The following WNK1 variants were observed in gnomAD, a reference collection of about 807,000 sequenced individuals.
The protein encoded by WNK1 is WNK lysine deficient protein kinase 1, also known as serine/threonine-protein kinase WNK1.
In WNK1, 38 loss-of-function variants were observed where a neutral mutation model predicts 222.8. The observed-to-expected ratio is 0.17, with a 90% confidence interval of 0.13 to 0.22. The LOEUF is 0.22. Ranked by LOEUF, WNK1 falls within the 10% of genes least tolerant of loss-of-function variation. WNK1 has a pLI of 1.00. For missense variants in WNK1, 2,348 were observed against 2,918.4 expected (o/e 0.80, Z 4.50); for synonymous variants, 1,090 against 1,092.9 (o/e 1.00, Z 0.05).
rs145941616 is a variant in WNK1, at chr12:761,559, C to T, written c.759+7235C>T. Reference sequence around the variant, plus strand: ...ACAATATTATTTTTGTCAGTAGATACGTGGTAGATGGTCTAGTTAACCAAA... The same window carrying T: ...ACAATATTATTTTTGTCAGTAGATATGTGGTAGATGGTCTAGTTAACCAAA... On this transcript the variant is annotated intron_variant, in intron 1 of 27. Coordinates refer to ENST00000315939, the MANE Select transcript of WNK1 (RefSeq NM_018979.4). Among the ~76,000 whole-genome samples, 31 of 147,920 alleles carry T rather than the reference C, an allele frequency of 2.1e-4. 3 individuals are homozygous for T. In the East Asian group the frequency reaches 4.7e-3, roughly 22 times the overall value.
intron 1 of WNK1, among the ~76,000 whole-genome samples, chr12:795,296 G>GTT (rs35447912): frequency 6.0e-5 from 8 of 133,022 alleles, no homozygotes; most frequent in African/African-American, 5.7e-5. Context: ...ATTTTCCGTT[G>GTT]TTTTTTTTTT....
At position 880,932 on chromosome 12, in the gene WNK1, A is replaced by T; in HGVS notation, c.3044A>T (p.Gln1015Leu). The change falls in exon 12 of 28, where the codon CAA (glutamine) becomes CTA (leucine). Residue 1015 changes from glutamine (Q) to leucine (L), a missense_variant. Gln to Leu is a moderately radical substitution (Grantham distance 113). Coordinates refer to ENST00000315939, the MANE Select transcript of WNK1 (RefSeq NM_018979.4). ...ATGGGTGGTGTAGGAGGACAGGTTC[A>T]AGTGTCCCAGCCAGGAGGGAGTTTA... ...VPMGGVGGQV[Q>L]VSQPGGSLAQ... 1 of 1,614,162 alleles carries T rather than the reference A, an allele frequency of 6.2e-7. No individual in the cohort carries two copies. Among genetic ancestry groups the T allele is most frequent in the South Asian group, 1.1e-5 (1 of 91,082 alleles).
In WNK1 at chr12:884,259, T is replaced by A; in HGVS notation, c.3844+16T>A. ...ACAGATACAGGTAAGGGATTGATTC[T>A]GCCACATTGTTATGTAAATTCTACA... On this transcript the variant is annotated intron_variant, in intron 18 of 27. Transcript: ENST00000315939. This position sits in a 1 kb window ranked among gnomAD's most constrained non-coding sequence, Gnocchi z 5.6. 6.2e-7 allele frequency: 1 copy of A among 1,613,914 alleles called. No individual in the cohort carries two copies. The highest frequency in any genetic ancestry group is 8.5e-7 in the Non-Finnish European group (1 of 1,179,888).
chr12:757,358 G>GA (rs1565383390), intron 1 of WNK1, among the ~76,000 whole-genome samples: 1 of 15,822 alleles, frequency 6.3e-5, no homozygotes. Context: ...ACGGAGTCTT[G>GA]CTCTATCTCC....
Position 807,711 on chromosome 12 carries a change from C to CTTTTTTTTT in WNK1, c.760-5913_760-5905dup, listed in dbSNP as rs869122990. ...TTCCTTCCAGTAGGGAGCAATAATT[C>CTTTTTTTTT]TTTTTTTTTTTTTTTTTTTTTTTTT... is the stretch of plus-strand genomic sequence containing the variant. On this transcript the variant is annotated intron_variant, in intron 1 of 27. Coordinates refer to ENST00000315939, the MANE Select transcript of WNK1 (RefSeq NM_018979.4). Among the ~76,000 whole-genome samples the CTTTTTTTTT allele has an allele frequency of 3.8e-5, 3 of 78,776 alleles. 1 individual carries two copies. Among genetic ancestry groups the CTTTTTTTTT allele is most frequent in the African/African-American group, 9.6e-5 (2 of 20,738 alleles). 51.7% of individuals were successfully genotyped at this position (78,776 alleles called of 152,430 possible).
At position 882,004 on chromosome 12, in the gene WNK1, T is replaced by C; in HGVS notation, c.3303T>C (p.His1101=). Residue 1101 remains histidine, a synonymous_variant, in exon 14 of 28, where the codon CAT becomes CAC. Coordinates refer to ENST00000315939, the MANE Select transcript of WNK1 (RefSeq NM_018979.4). ...GRHEGRTTKR[H]YRKSVRSRSR... is the part of the protein sequence containing the mutation. Reference sequence around the variant, plus strand: ...ATGAAGGAAGAACTACAAAACGGCATTACCGAAAATCTGTAAGGAGTCGCT... The same window carrying C: ...ATGAAGGAAGAACTACAAAACGGCACTACCGAAAATCTGTAAGGAGTCGCT... 6.2e-7 allele frequency: 1 copy of C among 1,614,176 alleles called. No individual in the cohort carries two copies. The highest frequency in any genetic ancestry group is 8.5e-7 in the Non-Finnish European group (1 of 1,180,034).
At chr12:901,698 CT>C in intron 26 of WNK1, 1 of 1,109,912 alleles carries the variant, frequency 9.0e-7, no homozygotes, top group Non-Finnish European at 1.2e-6. Flanking sequence ...GTTTCTGCTG[CT>C]TGGATCTGAT....
In WNK1 at chr12:881,761, C is replaced by A. The variant is rs752879359; in HGVS notation, c.3181C>A (p.Pro1061Thr). The A allele has an allele frequency of 1.2e-6, 2 of 1,614,210 alleles. No homozygotes were observed. Among genetic ancestry groups the A allele is most frequent in the South Asian group, 2.2e-5 (2 of 91,086 alleles). The stretch of plus-strand genomic sequence containing the variant: ...AGTAGCACAGACCCAAGCTACCCAG[C>A]CGACCACTTTGGCTTCCTCTGTAGA... ...VAVAQTQATQ[P>T]TTLASSVDSA... Residue 1061 changes from proline to threonine, a missense_variant, in exon 13 of 28, where the codon CCG becomes ACG. This residue lies in a region of WNK1 where 547 missense variants were observed against 558.3 expected (regional missense o/e 0.98). Coordinates refer to ENST00000315939, the MANE Select transcript of WNK1 (RefSeq NM_018979.4).
At chr12:904,336 A>G (rs550268560) in intron 26 of WNK1, 18 of 705,184 alleles carry the variant, frequency 2.6e-5, no homozygotes, top group South Asian at 2.5e-4. Flanking sequence ...GGTCCTACCT[A>G]TCTGTCTCAC....
rs765384223 is a variant in WNK1 at position 861,213 on chromosome 12, T to G, written c.1821T>G (p.Pro607=). 1 of 1,614,074 alleles carries G rather than the reference T, an allele frequency of 6.2e-7. No individual in the cohort carries two copies. The highest frequency in any genetic ancestry group is 8.5e-7 in the Non-Finnish European group (1 of 1,179,996). Residue 607 remains proline (P), a synonymous_variant, in exon 7 of 28, where the codon CCT becomes CCG. Coordinates refer to ENST00000315939, the MANE Select transcript of WNK1 (RefSeq NM_018979.4). The part of the protein sequence containing the change: ...SASQTGIKQL[P]SASTGIPTAS... ...CCCAGACAGGAATCAAGCAGCTCCC[T>G]TCTGCTAGCACCGGCATACCTACTG...
chr12:879,477 T>TTTGGTAATATATAAA, intron 10 of WNK1, 96 bp from the exon 11 acceptor site: 1 of 782,210 alleles, frequency 1.3e-6, no homozygotes, highest in Non-Finnish European at 1.9e-6. Flanking sequence ...TTCCTTCTTT[T>TTTGGTAATATATAAA]TGGCTAATAC....
intron 1 of WNK1, among the ~76,000 whole-genome samples, chr12:786,026 G>A (rs1417294652): frequency 6.6e-6 from 1 of 152,098 alleles, no homozygotes; most frequent in African/African-American, 2.4e-5. Flanking sequence ...TATGCTTTAT[G>A]TGATTTCCAC....
intron 4 of WNK1, among the ~76,000 whole-genome samples, chr12:843,853 A>T (rs1949812628): frequency 6.6e-6 from 1 of 152,198 alleles, no homozygotes; most frequent in East Asian, 1.9e-4. Context: ...GGTGATTCAT[A>T]TGTACATTAA....
At chr12:832,970 T>G (rs1457659954) in intron 4 of WNK1, among the ~76,000 whole-genome samples, 1 of 152,232 alleles carries the variant, frequency 6.6e-6, no homozygotes, top group East Asian at 1.9e-4. Context: ...ATGTCTCTTA[T>G]TATTCCCCTT....
At chr12:876,363 C>G (rs761077584) in intron 9 of WNK1, among the ~76,000 whole-genome samples, 1 of 152,024 alleles carries the variant, frequency 6.6e-6, no homozygotes, top group Non-Finnish European at 1.5e-5. Context: ...GAGCCAAGAT[C>G]GCGCCACTGC....
intron 20 of WNK1, 136 bp from the exon 21 acceptor site, chr12:889,004 T>C (rs1223946155): frequency 5.2e-6 from 4 of 772,000 alleles, no homozygotes; most frequent in Non-Finnish European, 9.2e-6. Flanking sequence ...TGAGTATAGT[T>C]TTGTATGTTC....
intron 8 of WNK1, among the ~76,000 whole-genome samples, chr12:862,710 C>G (rs931849801): frequency 6.6e-6 from 1 of 152,172 alleles, no homozygotes; most frequent in Non-Finnish European, 1.5e-5. Flanking sequence ...TGTGAGTACT[C>G]TAGATTGAGG....
At chr12:769,695 T>C (rs936101145) in intron 1 of WNK1, among the ~76,000 whole-genome samples, 10 of 152,224 alleles carry the variant, frequency 6.6e-5, no homozygotes, top group African/African-American at 2.2e-4. Context: ...GCTCGGCTAC[T>C]GGGCCTGTTT....
At chr12:864,536 A>C (rs936386875) in intron 8 of WNK1, among the ~76,000 whole-genome samples, 7 of 152,206 alleles carry the variant, frequency 4.6e-5, no homozygotes, top group African/African-American at 1.7e-4. Flanking sequence ...CTAGTAGATC[A>C]TGACTTTTTT....
Sources: allele counts gnomAD v4.1 joint callset (sites outside exome capture counted in the v4.1 genomes callset), GRCh38; gene constraint gnomAD v4.1.1; regional missense constraint gnomAD v4.1.1; non-coding constraint Gnocchi (gnomAD v3.1); transcripts MANE v1.5; gene names NCBI Gene and HGNC (gene_info 2026-07-23, HGNC 2026-07-21).